Variants in COL3A1 observed in about 807,000 individuals in gnomAD.
COL3A1 encodes collagen alpha-1(III) chain.
In COL3A1, 46 loss-of-function variants were observed where a neutral mutation model predicts 200.9. The observed-to-expected ratio is 0.23, with a 90% CI of 0.18 to 0.29. The LOEUF (loss-of-function observed/expected upper bound fraction) is 0.29, where lower values mean the gene tolerates loss of function less well. Among genes scored for constraint, COL3A1 ranks in the 10% least tolerant of loss-of-function variants. COL3A1 has a pLI of 1.00. For synonymous variants in COL3A1, 650 were observed against 628.0 expected (o/e 1.03, Z -0.52); for missense variants, 1,367 against 1,917.6 (o/e 0.71, Z 5.36).
chr2:189,011,833 T>C lies in COL3A1; in HGVS notation c.*59T>C, dbSNP rs1576475063. On this transcript the variant is annotated 3_prime_UTR_variant, in exon 51 of 51. Transcript: ENST00000304636. ...TTTAACTCCATATGTGTTCCTCTTG[T>C]TCTAATCTTGTCAACCAGTGCAAGT... 1 of 1,593,924 alleles carries C rather than the reference T, an allele frequency of 6.3e-7. No individual in the cohort carries two copies. The highest frequency in any genetic ancestry group is 2.2e-5 in the East Asian group (1 of 44,752).
intron 1 of COL3A1, among the ~76,000 whole-genome samples, chr2:188,983,307 G>A (rs184305866): frequency 6.6e-6 from 1 of 151,864 alleles, no homozygotes; most frequent in East Asian, 1.9e-4. Context: ...AAAAAAGAAT[G>A]GATTTTTAAA....
Position 189,011,831 on chromosome 2 carries a change from T to C in COL3A1, c.*57T>C, listed in dbSNP as rs1576475062. ...AATTTAACTCCATATGTGTTCCTCT[T>C]GTTCTAATCTTGTCAACCAGTGCAA... On this transcript the variant is annotated 3_prime_UTR_variant, in exon 51 of 51. Coordinates refer to ENST00000304636, the MANE Select transcript of COL3A1 (RefSeq NM_000090.4). 4 of 1,594,378 alleles carry C rather than the reference T, an allele frequency of 2.5e-6. No individual in the cohort carries two copies. The South Asian group carries it at 4.4e-5, about 18-fold the overall frequency.
intron 1 of COL3A1, among the ~76,000 whole-genome samples, chr2:188,981,161 C>A (rs1417888047): frequency 6.6e-6 from 1 of 151,392 alleles, no homozygotes; most frequent in Non-Finnish European, 1.5e-5. Flanking sequence ...ACAAAAAAAT[C>A]ACAAAATAGT....
At chr2:189,008,238 G>A (rs569531522) in intron 47 of COL3A1, 96 bp downstream of exon 47, 33 of 1,000,562 alleles carry the variant, frequency 3.3e-5, no homozygotes, top group Admixed American at 1.2e-4. Context: ...ATAGAGAGAC[G>A]CAATGCATCC....
Position 188,994,285 on chromosome 2 carries a change from C to A in COL3A1, c.1246C>A (p.Pro416Thr). 2.5e-6 allele frequency: 4 copies of A among 1,613,826 alleles called. No homozygotes were observed. The highest frequency in any genetic ancestry group is 3.4e-6 in the Non-Finnish European group (4 of 1,179,960). Residue 416 changes from proline to threonine, a missense_variant, in exon 18 of 51, where the codon CCA becomes ACA. By Grantham distance (38) the Pro-to-Thr change is conservative. Coordinates refer to ENST00000304636, the MANE Select transcript of COL3A1 (RefSeq NM_000090.4). This position sits in a 1 kb window ranked among gnomAD's most constrained non-coding sequence, Gnocchi z 4.5. Reference protein sequence around the residue: ...APGLMGARGPPGPAGANGAPG... With the variant: ...APGLMGARGPTGPAGANGAPG... ...TGGACTGATGGGAGCCCGGGGTCCT[C>A]CAGGACCAGCCGGTGCTAATGGTGC...
At chr2:188,993,173 T>C (rs1237787348) in intron 15 of COL3A1, among the ~76,000 whole-genome samples, 188 bp from the exon 16 acceptor site, 1 of 152,196 alleles carries the variant, frequency 6.6e-6, no homozygotes, top group Non-Finnish European at 1.5e-5. Context: ...AGGAAACTGA[T>C]AATGCAATCA....
Position 189,011,991 on chromosome 2 carries a change from C to A in COL3A1, c.*217C>A. 1 of 574,606 alleles carries A rather than the reference C, an allele frequency of 1.7e-6. No individual in the cohort carries two copies. The highest frequency in any genetic ancestry group is 3.1e-6 in the Non-Finnish European group (1 of 327,256). 35.6% of individuals were successfully genotyped at this position (574,606 alleles called of 1,614,324 possible). On this transcript the variant is annotated 3_prime_UTR_variant, in exon 51 of 51. Transcript: ENST00000304636. Reference sequence around the variant, plus strand: ...AATGCTTTTTGTTTTATTTTTTTACCAATTCCAATTTCAAAATGTCTCAAT... The same window carrying A: ...AATGCTTTTTGTTTTATTTTTTTACAAATTCCAATTTCAAAATGTCTCAAT...
At position 189,003,742 on chromosome 2, in the gene COL3A1, T is replaced by C; in HGVS notation, c.2616T>C (p.Ala872=). 1 of 1,614,156 alleles carries C rather than the reference T, an allele frequency of 6.2e-7. No homozygotes were observed. Among genetic ancestry groups the C allele is most frequent in the Non-Finnish European group, 8.5e-7 (1 of 1,179,996 alleles). ...ERGSPGGPGA[A]GFPGARGLPG... is the part of the protein sequence containing the mutation. ...ATATTACCATTTCACAGGGTGCTGC[T>C]GGCTTCCCTGGTGCTCGTGGTCTTC... The change falls in exon 38 of 51, where the codon GCT becomes GCC. Residue 872 remains alanine, a synonymous_variant. Transcript: ENST00000304636.
intron 10 of COL3A1, 151 bp downstream of exon 10, chr2:188,990,511 C>A: frequency 1.3e-6 from 1 of 741,988 alleles, no homozygotes; most frequent in Non-Finnish European, 2.3e-6. Flanking sequence ...TGTTTGTTGA[C>A]CAAACTAGTC....
intron 36 of COL3A1, 22 bp from the exon 37 acceptor site, chr2:189,003,389 A>C: frequency 6.2e-7 from 1 of 1,611,654 alleles, no homozygotes; most frequent in Non-Finnish European, 8.5e-7. Flanking sequence ...ATTCTTACAT[A>C]ATTTCCTTCC....
intron 3 of COL3A1, 50 bp downstream of exon 3, chr2:188,985,297 A>G (rs1688042830): frequency 1.4e-6 from 2 of 1,467,924 alleles, no homozygotes. Context: ...TGATAATTCT[A>G]GTAAGAGTTT....
chr2:189,004,827 T>C (rs1295122946), intron 40 of COL3A1, among the ~76,000 whole-genome samples: 1 of 152,212 alleles, frequency 6.6e-6, no homozygotes. Flanking sequence ...ATTCGTTTGG[T>C]AAACAGGATA....
Position 188,999,334 on chromosome 2 carries a change from C to A in COL3A1, c.2072C>A (p.Ala691Asp). 1 of 1,590,486 alleles carries A rather than the reference C, an allele frequency of 6.3e-7. No individual in the cohort carries two copies. The highest frequency in any genetic ancestry group is 8.6e-7 in the Non-Finnish European group (1 of 1,168,440). Reference sequence around the variant, plus strand: ...CGTGGACCTCCTGGATTGGCAGGGGCCCCAGGACTTAGAGGTGGAGCTGGT... The same window carrying A: ...CGTGGACCTCCTGGATTGGCAGGGGACCCAGGACTTAGAGGTGGAGCTGGT... ...GERGPPGLAG[A>D]PGLRGGAGPP... Residue 691 changes from alanine to aspartate, a missense_variant, in exon 30 of 51, where the codon GCC becomes GAC. Around this residue, in one of 5 missense-constraint regions of COL3A1, gnomAD observed 846 missense variants for 1,147.9 expected, o/e 0.74. Coordinates refer to ENST00000304636, the MANE Select transcript of COL3A1 (RefSeq NM_000090.4).
intron 13 of COL3A1, 39 bp from the exon 14 acceptor site, chr2:188,992,145 A>G: frequency 6.2e-7 from 1 of 1,608,870 alleles, no homozygotes. Context: ...CCAGCCATTC[A>G]GAATTAAAAG....
At chr2:189,003,147 C>T (rs550498905) in intron 36 of COL3A1, 85 bp downstream of exon 36, 1 of 1,114,108 alleles carries the variant, frequency 9.0e-7, no homozygotes, top group Admixed American at 2.0e-5. Context: ...CTCTCTCTCC[C>T]TCTCCCCCCT....
chr2:189,008,842 G>A, intron 47 of COL3A1, 82 bp from the exon 48 acceptor site: 1 of 1,399,986 alleles, frequency 7.1e-7, no homozygotes. Flanking sequence ...TATTTTTAAG[G>A]CATTTTCTTG....
chr2:188,984,982 G>C lies in COL3A1; in HGVS notation c.282+20G>C. On this transcript the variant is annotated intron_variant, in intron 2 of 50. Transcript: ENST00000304636. ...ACTGCTGTGAGTTTAAAGATAAACT[G>C]TACATCTTCAATATTCATATTTAGA... The C allele has an allele frequency of 6.2e-7, 1 of 1,603,700 alleles. No individual in the cohort carries two copies. Among genetic ancestry groups the C allele is most frequent in the Non-Finnish European group, 8.5e-7 (1 of 1,171,580 alleles).
At chr2:188,998,224 A>AAAC in intron 27 of COL3A1, 42 bp from the exon 28 acceptor site, 1 of 1,560,816 alleles carries the variant, frequency 6.4e-7, no homozygotes. Flanking sequence ...TCTATAAGCC[A>AAAC]TGTTTGAGGT....
intron 28 of COL3A1, 96 bp from the exon 29 acceptor site, chr2:188,998,578 C>A: frequency 1.6e-6 from 2 of 1,287,388 alleles, no homozygotes; most frequent in Non-Finnish European, 2.2e-6. Flanking sequence ...GTGTATTTTG[C>A]TTATATTTAC....
Sources: gnomAD v4.1 joint callset for allele counts (sites outside exome capture counted in the v4.1 genomes callset) on GRCh38, gnomAD v4.1.1 for gene constraint, gnomAD v4.1.1 regional missense constraint, Gnocchi (gnomAD v3.1) non-coding constraint, MANE v1.5 for transcripts, NCBI Gene and HGNC (gene_info 2026-07-23, HGNC 2026-07-21) for gene names.